Variants in MAST4 observed in about 807,000 individuals in gnomAD.
MAST4 encodes the protein microtubule associated serine/threonine kinase family member 4.
MAST4 carries 89 observed loss-of-function variants against 162.7 expected under a neutral mutation model. The observed-to-expected ratio is 0.55, with a 90% CI of 0.46 to 0.65. The LOEUF (loss-of-function observed/expected upper bound fraction) is 0.65. Ranked by LOEUF, MAST4 falls within the 30% of genes least tolerant of loss-of-function variation. MAST4 has a pLI of 0.00. For missense variants in MAST4, 3,153 were observed against 3,374.0 expected, an observed-to-expected ratio of 0.93 and a Z score of 1.62; for synonymous variants, 1,479 against 1,361.1, an observed-to-expected ratio of 1.09 and a Z score of -1.91.
rs143041351 is a variant in MAST4, at chr5:66,861,581, A to T, written c.643-38370A>T. ...CATGCTATGTGAGCCCCACAGGGCAAAGCCTAGCAGTGGAACCACTGTGGG... is the reference window on the plus strand; with the variant it reads ...CATGCTATGTGAGCCCCACAGGGCATAGCCTAGCAGTGGAACCACTGTGGG... On this transcript the variant is annotated intron_variant, in intron 3 of 28. Coordinates refer to ENST00000403625, the MANE Select transcript of MAST4 (RefSeq NM_001164664.2). Among the ~76,000 whole-genome samples the T allele has an allele frequency of 3.9e-3, 592 of 152,372 alleles. 13 individuals carry two copies. In the South Asian group the frequency reaches 0.068, roughly 17 times the overall value.
chr5:66,905,940 A>C (rs912584170), intron 4 of MAST4, among the ~76,000 whole-genome samples: 1 of 152,092 alleles, frequency 6.6e-6, no homozygotes, highest in Non-Finnish European at 1.5e-5. Context: ...AAGGTATCAG[A>C]CTCTTAATCT....
chr5:66,815,919 G>A (rs1436048937), intron 3 of MAST4, among the ~76,000 whole-genome samples: 1 of 152,156 alleles, frequency 6.6e-6, no homozygotes, highest in African/African-American at 2.4e-5. Flanking sequence ...CAGGGTTCAG[G>A]TGGCATTAGA....
chr5:66,615,651 TAA>T lies in MAST4; in HGVS notation c.363+18644_363+18645del, dbSNP rs34176995. 4.7e-5 allele frequency among the ~76,000 whole-genome samples: 7 copies of T among 148,684 alleles called. No homozygotes were observed. The East Asian group carries it at 6.0e-4, about 13-fold the overall frequency. On this transcript the variant is annotated intron_variant, in intron 1 of 28. Coordinates refer to ENST00000403625, the MANE Select transcript of MAST4 (RefSeq NM_001164664.2). ...CAACATAGTAAGACCCAGTCTCCCTTAAAAAAAAAAAATTAGCTGAGTATGGT... is the reference window on the plus strand; with the variant it reads ...CAACATAGTAAGACCCAGTCTCCCTTAAAAAAAAAATTAGCTGAGTATGGT...
intron 4 of MAST4, among the ~76,000 whole-genome samples, chr5:66,927,574 G>A (rs1302373572): frequency 6.6e-6 from 1 of 152,190 alleles, no homozygotes; most frequent in Non-Finnish European, 1.5e-5. Flanking sequence ...AGCCCCATGT[G>A]TGTAAATGAT....
At chr5:67,079,998 A>C (rs1762415160) in intron 5 of MAST4, among the ~76,000 whole-genome samples, 1 of 152,206 alleles carries the variant, frequency 6.6e-6, no homozygotes, top group Non-Finnish European at 1.5e-5. Context: ...CCAGCTTCTT[A>C]GCGCTAGTCT....
intron 1 of MAST4, among the ~76,000 whole-genome samples, chr5:66,710,529 G>A (rs1013156017): frequency 2.0e-5 from 3 of 152,028 alleles, no homozygotes; most frequent in Non-Finnish European, 2.9e-5. Context: ...GGAATTCCCT[G>A]GACTTGGCCA....
At chr5:67,028,356 C>G (rs1456440900) in intron 4 of MAST4, among the ~76,000 whole-genome samples, 2 of 152,132 alleles carry the variant, frequency 1.3e-5, no homozygotes, top group Non-Finnish European at 2.9e-5. Context: ...GAAATGTACT[C>G]TGAGGGTAGG....
chr5:67,056,340 G>T (rs541046254), intron 5 of MAST4, among the ~76,000 whole-genome samples: 2 of 152,236 alleles, frequency 1.3e-5, no homozygotes, highest in South Asian at 4.1e-4. Context: ...TACCTTACTT[G>T]GGACATTACT....
intron 4 of MAST4, among the ~76,000 whole-genome samples, chr5:66,905,897 A>AATAG (rs1282002965): frequency 6.6e-6 from 1 of 152,176 alleles, no homozygotes; most frequent in Non-Finnish European, 1.5e-5. Flanking sequence ...TATTATGTAG[A>AATAG]ATAGATGGTA....
intron 1 of MAST4, among the ~76,000 whole-genome samples, chr5:66,726,495 G>A (rs1396594602): frequency 6.6e-6 from 1 of 152,090 alleles, no homozygotes; most frequent in Non-Finnish European, 1.5e-5. Flanking sequence ...GTTGAATTTG[G>A]AAGATGCTTG....
intron 21 of MAST4, among the ~76,000 whole-genome samples, chr5:67,144,338 G>A (rs1770777456): frequency 6.6e-6 from 1 of 151,978 alleles, no homozygotes; most frequent in South Asian, 2.1e-4. Flanking sequence ...ATCAAGATGT[G>A]CATTGATCCC....
At chr5:66,919,935 TC>T (rs1439699803) in intron 4 of MAST4, among the ~76,000 whole-genome samples, 23 of 138,652 alleles carry the variant, frequency 1.7e-4, no homozygotes, top group East Asian at 4.1e-4. Context: ...CTTCCTTCCT[TC>T]CTTCCTTCCT....
At chr5:66,632,897 A>G (rs776845244) in intron 1 of MAST4, among the ~76,000 whole-genome samples, 8 of 151,846 alleles carry the variant, frequency 5.3e-5, no homozygotes, top group Non-Finnish European at 4.4e-5. Flanking sequence ...CTAAAATAAC[A>G]GGTAAAATAC....
chr5:66,765,282 A>ACAGATTC (rs1297816556), intron 2 of MAST4, among the ~76,000 whole-genome samples: 9 of 152,298 alleles, frequency 5.9e-5, no homozygotes, highest in African/African-American at 2.2e-4. Context: ...CTCAGTAGCC[A>ACAGATTC]CAGATTCCAG....
At chr5:67,089,770 A>G (rs887931451) in intron 5 of MAST4, among the ~76,000 whole-genome samples, 4 of 152,188 alleles carry the variant, frequency 2.6e-5, no homozygotes, top group Non-Finnish European at 5.9e-5. Context: ...AAACACCTCC[A>G]ACTGAAGCAT....
At chr5:67,126,095 G>T in intron 14 of MAST4, among the ~76,000 whole-genome samples, 1 of 151,984 alleles carries the variant, frequency 6.6e-6, no homozygotes, top group Non-Finnish European at 1.5e-5. Context: ...GGAGTTGTTT[G>T]TTTTTTTCTT....
chr5:66,618,839 G>A (rs887886786), intron 1 of MAST4, among the ~76,000 whole-genome samples: 1 of 152,026 alleles, frequency 6.6e-6, no homozygotes, highest in African/African-American at 2.4e-5. Flanking sequence ...TTGCTGAACT[G>A]ATGGATATTT....
intron 4 of MAST4, among the ~76,000 whole-genome samples, chr5:66,954,480 G>A (rs1482446894): frequency 6.6e-6 from 1 of 152,082 alleles, no homozygotes; most frequent in African/African-American, 2.4e-5. Context: ...TATTTATGTG[G>A]GCTGCTCTTG....
At chr5:66,846,815 G>A (rs1758888855) in intron 3 of MAST4, among the ~76,000 whole-genome samples, 1 of 152,178 alleles carries the variant, frequency 6.6e-6, no homozygotes, top group African/African-American at 2.4e-5. Context: ...AGGGGCTCAT[G>A]GAGGTAAAAT....
Sources: allele counts gnomAD v4.1 joint callset (sites outside exome capture counted in the v4.1 genomes callset), GRCh38; gene constraint gnomAD v4.1.1; transcripts MANE v1.5; gene names NCBI Gene and HGNC (gene_info 2026-07-23, HGNC 2026-07-21).